Variants in N4BP1 observed in about 807,000 individuals in gnomAD.
N4BP1 encodes the protein NEDD4-binding protein 1.
A neutral mutation model predicts 70.9 loss-of-function variants in N4BP1; 21 were observed. The ratio of observed to expected loss-of-function variants is 0.30; its 90% CI spans 0.21 to 0.43. The LOEUF (loss-of-function observed/expected upper bound fraction) is 0.43, where lower values mean the gene tolerates loss of function less well. N4BP1 is among the 20% of genes least tolerant of loss of function. The probability of loss-of-function intolerance (pLI) is 1.00; values close to 1 mark genes in which losing one functional copy is unlikely to be tolerated. For synonymous variants in N4BP1, 387 were observed against 394.6 expected, an observed-to-expected ratio of 0.98 and a Z score of 0.23; for missense variants, 936 against 1,069.4, an observed-to-expected ratio of 0.88 and a Z score of 1.74.
chr16:48,593,235 G>A (rs917808101), intron 1 of N4BP1, among the ~76,000 whole-genome samples: 1 of 152,058 alleles, frequency 6.6e-6, no homozygotes, highest in Non-Finnish European at 1.5e-5. Flanking sequence ...CTCCACACCT[G>A]GTACATAATT....
chr16:48,569,104 T>C (rs986360797), intron 1 of N4BP1, among the ~76,000 whole-genome samples: 2 of 152,246 alleles, frequency 1.3e-5, no homozygotes, highest in Non-Finnish European at 1.5e-5. Flanking sequence ...GTTGAATATT[T>C]CAGTCTTTTG....
chr16:48,561,506 C>T lies in N4BP1; in HGVS notation c.1137G>A (p.Leu379=). The change falls in exon 2 of 7, where the codon TTG becomes TTA. Residue 379 remains leucine, a synonymous_variant. Transcript: ENST00000262384. ...TTTCTTTTTCAATTTCCTCTAAGAG[C>T]AATAATGGTTCAGTAGATGGTCCAT... ...KVYGPSTEPL[L]LLEEIEKENK... is the part of the protein sequence containing the mutation. 1 of 1,613,196 alleles carries T rather than the reference C, an allele frequency of 6.2e-7. No individual in the cohort carries two copies. Among genetic ancestry groups the T allele is most frequent in the Non-Finnish European group, 8.5e-7 (1 of 1,179,706 alleles).
intron 1 of N4BP1, among the ~76,000 whole-genome samples, chr16:48,567,324 T>C (rs1963957294): frequency 6.6e-6 from 1 of 152,208 alleles, no homozygotes; most frequent in Non-Finnish European, 1.5e-5. Context: ...ACTGCATTTT[T>C]TTCTTTGTGA....
At chr16:48,581,469 C>T (rs1964173803) in intron 1 of N4BP1, among the ~76,000 whole-genome samples, 1 of 151,956 alleles carries the variant, frequency 6.6e-6, no homozygotes, top group African/African-American at 2.4e-5. Flanking sequence ...AAACTGTTCC[C>T]AGATGACATG....
At chr16:48,545,179 G>A (rs1290537147) in intron 6 of N4BP1, among the ~76,000 whole-genome samples, 1 of 151,778 alleles carries the variant, frequency 6.6e-6, no homozygotes, top group Non-Finnish European at 1.5e-5. Flanking sequence ...TGGCCAGGAT[G>A]GTCTCGAACT....
At chr16:48,600,885 G>T (rs2151102364) in intron 1 of N4BP1, among the ~76,000 whole-genome samples, 1 of 152,306 alleles carries the variant, frequency 6.6e-6, no homozygotes, top group African/African-American at 2.4e-5. Context: ...CTATAGAAGT[G>T]AATTGTGGAT....
intron 1 of N4BP1, among the ~76,000 whole-genome samples, chr16:48,580,775 C>G (rs945297235): frequency 6.6e-6 from 1 of 152,116 alleles, no homozygotes; most frequent in African/African-American, 2.4e-5. Context: ...TTACATTTGT[C>G]CTGGACATGT....
Position 48,561,644 on chromosome 16 carries a change from A to T in N4BP1, c.999T>A (p.Asn333Lys). The change falls in exon 2 of 7, where the codon AAT becomes AAA. Residue 333 changes from asparagine to lysine, a missense_variant. Physicochemically the swap from Asn to Lys is moderately conservative, Grantham distance 94. Around this residue, in one of 4 missense-constraint regions of N4BP1, gnomAD observed 515 missense variants for 491.7 expected, o/e 1.05. Transcript: ENST00000262384. ...DLSDSSADSE[N>K]LSPDIKETTE... ...TAGTTTCTTTTATATCTGGACTTAA[A>T]TTTTCAGAATCAGCAGAAGAATCAG... is the stretch of plus-strand genomic sequence containing the variant. 1 of 1,613,458 alleles carries T rather than the reference A, an allele frequency of 6.2e-7. No individual in the cohort carries two copies.
chr16:48,585,493 T>C (rs1183928702), intron 1 of N4BP1, among the ~76,000 whole-genome samples: 3 of 151,684 alleles, frequency 2.0e-5, no homozygotes, highest in Non-Finnish European at 4.4e-5. Flanking sequence ...AAATAAATGA[T>C]TATATAAAAT....
chr16:48,602,656 T>A (rs969700307), intron 1 of N4BP1, among the ~76,000 whole-genome samples: 2 of 152,170 alleles, frequency 1.3e-5, no homozygotes, highest in African/African-American at 4.8e-5. Flanking sequence ...ACCTTCTTCC[T>A]GGTAAAATCA....
intron 1 of N4BP1, among the ~76,000 whole-genome samples, chr16:48,570,185 C>T (rs8052640): frequency 6.6e-6 from 1 of 151,360 alleles, no homozygotes; most frequent in East Asian, 2.0e-4. Flanking sequence ...GGCTCACTCT[C>T]GGTTTTAGAT....
chr16:48,602,796 A>AAAATAAATAAATAAAT (rs142256457), intron 1 of N4BP1, among the ~76,000 whole-genome samples: 6 of 146,680 alleles, frequency 4.1e-5, no homozygotes, highest in Non-Finnish European at 9.0e-5. Flanking sequence ...ATAAAAAATA[A>AAAATAAATAAATAAAT]AAATAAATAA....
Position 48,600,520 on chromosome 16 carries a change from A to G in N4BP1, c.198+9255T>C, listed in dbSNP as rs553355676. 22 of 591,814 alleles carry G rather than the reference A, an allele frequency of 3.7e-5. 1 individual carries two copies. Among genetic ancestry groups the G allele is most frequent in the South Asian group, 2.0e-4 (14 of 70,396 alleles). 36.7% of individuals were successfully genotyped at this position (591,814 alleles called of 1,614,324 possible). A position where few individuals can be genotyped will look rare whatever the true frequency, so the allele number is the denominator to read the frequency against. ...TTGAAGAAAAATAAGAGCTACAGAA[A>G]GTTCAGGATATCAAACAGGTCAAGC... On this transcript the variant is annotated intron_variant, in intron 1 of 6. Coordinates refer to ENST00000262384, the MANE Select transcript of N4BP1 (RefSeq NM_153029.4).
At chr16:48,580,767 A>G (rs1406163274) in intron 1 of N4BP1, among the ~76,000 whole-genome samples, 1 of 152,192 alleles carries the variant, frequency 6.6e-6, no homozygotes, top group African/African-American at 2.4e-5. Flanking sequence ...AAAAAAAATT[A>G]CATTTGTCCT....
intron 1 of N4BP1, among the ~76,000 whole-genome samples, chr16:48,575,401 TAA>T (rs921528933): frequency 2.0e-5 from 3 of 152,226 alleles, no homozygotes; most frequent in African/African-American, 7.2e-5. Flanking sequence ...ACATGATATA[TAA>T]GTTAACTTTC....
intron 1 of N4BP1, chr16:48,587,505 T>C (rs1020422044): frequency 2.6e-5 from 4 of 152,236 alleles, no homozygotes; most frequent in African/African-American, 9.6e-5. Context: ...TAGCAAGCTA[T>C]GCTTTTACAA....
chr16:48,607,816 C>T (rs934790561), intron 1 of N4BP1, among the ~76,000 whole-genome samples: 3 of 152,186 alleles, frequency 2.0e-5, no homozygotes, highest in African/African-American at 7.2e-5. Context: ...AAGTTAAGCC[C>T]AGGAAAGCAA....
chr16:48,583,118 A>G (rs1269829727), intron 1 of N4BP1, among the ~76,000 whole-genome samples: 1 of 152,124 alleles, frequency 6.6e-6, no homozygotes, highest in Non-Finnish European at 1.5e-5. Flanking sequence ...ATAATAAAAG[A>G]GAAAATGTTA....
intron 1 of N4BP1, among the ~76,000 whole-genome samples, chr16:48,607,860 A>ATTTGT (rs112473430): frequency 1.3e-5 from 2 of 151,362 alleles, no homozygotes; most frequent in Non-Finnish European, 2.9e-5. Flanking sequence ...TGGCTTTCTG[A>ATTTGT]TTTGTTTTGT....
Sources: gnomAD v4.1 joint callset for allele counts (sites outside exome capture counted in the v4.1 genomes callset) on GRCh38, gnomAD v4.1.1 for gene constraint, gnomAD v4.1.1 regional missense constraint, MANE v1.5 for transcripts, NCBI Gene and HGNC (gene_info 2026-07-23, HGNC 2026-07-21) for gene names.